The following TMEM204 variants were observed in gnomAD, a reference collection of about 807,000 sequenced individuals.
TMEM204 encodes the protein claudin-like protein 24.
TMEM204 carries 15 observed loss-of-function variants against 19.4 expected under a neutral mutation model. That is an observed-to-expected ratio of 0.77 (90% CI 0.52 to 1.19). The LOEUF (loss-of-function observed/expected upper bound fraction) is 1.19, where lower values mean the gene tolerates loss of function less well. TMEM204 is among the 50% of genes most tolerant of loss of function. The probability of loss-of-function intolerance (pLI) is 0.00; values close to 1 mark genes in which losing one functional copy is unlikely to be tolerated. For missense variants in TMEM204, 287 were observed against 321.2 expected (o/e 0.89, Z 0.81); for synonymous variants, 161 against 146.0 (o/e 1.10, Z -0.74).
At chr16:1,547,381 C>T (rs555414367) in intron 2 of TMEM204, among the ~76,000 whole-genome samples, 1 of 152,324 alleles carries the variant, frequency 6.6e-6, no homozygotes, top group Admixed American at 6.5e-5. Flanking sequence ...GAGACGCTGA[C>T]TTTATCAGTC....
chr16:1,540,673 G>A lies in TMEM204; in HGVS notation c.281-1248G>A, dbSNP rs1421928183. 21 of 231,960 alleles carry A rather than the reference G, an allele frequency of 9.1e-5. 1 individual carries two copies. In the Admixed American group the frequency reaches 1.2e-3, roughly 14 times the overall value. The allele number at this position is 231,960 out of a possible 1,614,324, so 14.4% of individuals were successfully genotyped here. A position where few individuals can be genotyped will look rare whatever the true frequency, so the allele number is the denominator to read the frequency against. On this transcript the variant is annotated intron_variant, in intron 1 of 2. Coordinates refer to ENST00000566264, the MANE Select transcript of TMEM204 (RefSeq NM_024600.6). ...TGGTGTCTGTGATGGATGCGGGCGC[G>A]GGGACCCGCTCCTGAGTGGTGAGGC... is the stretch of plus-strand genomic sequence containing the variant.
upstream of TMEM204, among the ~76,000 whole-genome samples, chr16:1,530,133 C>CTTTTTTT (rs922819138): frequency 1.0e-4 from 9 of 88,586 alleles, no homozygotes; most frequent in African/African-American, 4.3e-4. Context: ...CGACGGGAAT[C>CTTTTTTT]TTTTTTTTTT....
intron 1 of TMEM204, among the ~76,000 whole-genome samples, chr16:1,536,117 G>A (rs1478341182): frequency 1.3e-5 from 2 of 152,220 alleles, no homozygotes; most frequent in African/African-American, 2.4e-5. Context: ...GTTCCCAGCC[G>A]GCCCTTGGCC....
intron 1 of TMEM204, among the ~76,000 whole-genome samples, chr16:1,535,434 T>C (rs1025840482): frequency 6.6e-6 from 1 of 151,964 alleles, no homozygotes; most frequent in African/African-American, 2.4e-5. Context: ...GTCAGCAAGG[T>C]TTTGACTCGC....
chr16:1,534,111 G>T lies in TMEM204; in HGVS notation c.-165G>T, dbSNP rs1374626066. The T allele has an allele frequency of 4.9e-6, 4 of 815,542 alleles. No homozygotes were observed. In the African/African-American group the frequency reaches 7.2e-5, roughly 15 times the overall value. 50.5% of individuals were successfully genotyped at this position (815,542 alleles called of 1,614,324 possible). A position where few individuals can be genotyped will look rare whatever the true frequency, so the allele number is the denominator to read the frequency against. ...GCAGGAAGGAGGATAAGGCCGGGCC[G>T]AGAGGCGGCACACCTGGACCATCCC... On this transcript the variant is annotated 5_prime_UTR_variant, in exon 1 of 3. Coordinates refer to ENST00000566264, the MANE Select transcript of TMEM204 (RefSeq NM_024600.6).
Position 1,553,893 on chromosome 16 carries a change from T to G in TMEM204, c.437-889T>G. 14 of 1,266,340 alleles carry G rather than the reference T, an allele frequency of 1.1e-5. No individual in the cohort carries two copies. Among genetic ancestry groups the G allele is most frequent in the Non-Finnish European group, 1.4e-5 (14 of 975,802 alleles). 78.4% of individuals were successfully genotyped at this position (1,266,340 alleles called of 1,614,324 possible). On this transcript the variant is annotated intron_variant, in intron 2 of 2. Transcript: ENST00000566264. The surrounding 1 kb of genome is among the most constrained non-coding windows in gnomAD (Gnocchi z 4.4). ...GACTCTAGTCACGAAACCCTGATTTTCCTGTTGTAAGAACTAAAAAGGTCT... is the reference window on the plus strand; with the variant it reads ...GACTCTAGTCACGAAACCCTGATTTGCCTGTTGTAAGAACTAAAAAGGTCT...
chr16:1,536,214 C>G (rs2031055734), intron 1 of TMEM204, among the ~76,000 whole-genome samples: 2 of 152,250 alleles, frequency 1.3e-5, no homozygotes, highest in African/African-American at 4.8e-5. Flanking sequence ...AGCTGGAAGC[C>G]TTGGCGCCCC....
intron 2 of TMEM204, among the ~76,000 whole-genome samples, chr16:1,547,443 G>T (rs2032266425): frequency 6.6e-6 from 1 of 152,318 alleles, no homozygotes; most frequent in African/African-American, 2.4e-5. Context: ...TTGCTCGCTG[G>T]TGAGAAAGTC....
At chr16:1,554,030 G>A (rs943593405) in intron 2 of TMEM204, 3 of 1,287,058 alleles carry the variant, frequency 2.3e-6, no homozygotes, top group Non-Finnish European at 3.0e-6. Flanking sequence ...CTCCTTCTCT[G>A]GTTTCAGGCT....
At chr16:1,552,930 G>A (rs1326474982) in intron 2 of TMEM204, 2 of 980,258 alleles carry the variant, frequency 2.0e-6, no homozygotes, top group Admixed American at 6.2e-5. Flanking sequence ...TGCGATTATA[G>A]GCGTAAACCA....
chr16:1,541,042 G>A (rs2031582643), intron 1 of TMEM204: 1 of 985,424 alleles, frequency 1.0e-6, no homozygotes, highest in Non-Finnish European at 1.2e-6. Context: ...ACAGAAACGT[G>A]ACGAGCCCTG....
intron 1 of TMEM204, among the ~76,000 whole-genome samples, chr16:1,540,167 G>A (rs80113230): frequency 0.066 from 10,074 of 152,316 alleles, 567 homozygotes; most frequent in Admixed American, 0.18. Context: ...GCCTGGGGCC[G>A]GGGCAGATGT....
upstream of TMEM204, among the ~76,000 whole-genome samples, chr16:1,528,957 C>T (rs1039404339): frequency 2.6e-5 from 4 of 152,184 alleles, no homozygotes; most frequent in Admixed American, 6.5e-5. Flanking sequence ...TTCCCTGGCT[C>T]CCACAGAATC....
At chr16:1,549,127 G>A (rs929390684) in intron 2 of TMEM204, among the ~76,000 whole-genome samples, 8 of 152,238 alleles carry the variant, frequency 5.3e-5, no homozygotes, top group Admixed American at 2.6e-4. Flanking sequence ...GCCTGGTGGC[G>A]CCTCTGGGTC....
intron 1 of TMEM204, among the ~76,000 whole-genome samples, chr16:1,538,163 C>A (rs1381230398): frequency 2.0e-5 from 3 of 152,214 alleles, no homozygotes; most frequent in South Asian, 4.1e-4. Flanking sequence ...GCAGGAGTGC[C>A]TCCTTCCTGG....
chr16:1,536,442 G>T (rs939035255), intron 1 of TMEM204, among the ~76,000 whole-genome samples: 1 of 152,144 alleles, frequency 6.6e-6, no homozygotes, highest in African/African-American at 2.4e-5. Context: ...CAGCCCCTTG[G>T]ACAATATTTA....
At chr16:1,532,532 G>C (rs1021542934), upstream of TMEM204, 8 of 152,288 alleles carry the variant, frequency 5.3e-5, 1 homozygote, top group Non-Finnish European at 1.0e-4. Flanking sequence ...CAGCTCTCGG[G>C]ACCGCCCTGA....
At chr16:1,534,830 G>C (rs1480246419) in intron 1 of TMEM204, among the ~76,000 whole-genome samples, 1 of 152,062 alleles carries the variant, frequency 6.6e-6, no homozygotes, top group Non-Finnish European at 1.5e-5. Flanking sequence ...TCAGGCATTT[G>C]GGGGGCCTCT....
Position 1,551,213 on chromosome 16 carries a change from G to A in TMEM204, c.437-3569G>A, listed in dbSNP as rs917781828. Reference sequence around the variant, plus strand: ...CAATGGTGGGGCAAGTTCTGGCCCCGGGGAGCCTGCCCTGTGGCGGGGGAG... The same window carrying A: ...CAATGGTGGGGCAAGTTCTGGCCCCAGGGAGCCTGCCCTGTGGCGGGGGAG... On this transcript the variant is annotated intron_variant, in intron 2 of 2. Transcript: ENST00000566264. The surrounding 1 kb of genome is among the most constrained non-coding windows in gnomAD (Gnocchi z 4.0). 4.6e-5 allele frequency among the ~76,000 whole-genome samples: 7 copies of A among 152,244 alleles called. No individual in the cohort carries two copies. The highest frequency in any genetic ancestry group is 9.6e-5 in the African/African-American group (4 of 41,464).
Sources: gnomAD v4.1 joint callset for allele counts (sites outside exome capture counted in the v4.1 genomes callset) on GRCh38, gnomAD v4.1.1 for gene constraint, Gnocchi (gnomAD v3.1) non-coding constraint, MANE v1.5 for transcripts, NCBI Gene and HGNC (gene_info 2026-07-23, HGNC 2026-07-21) for gene names.